Variants in LCTL observed in about 807,000 individuals in gnomAD.
LCTL encodes the protein lactase-like protein.
Under a neutral mutation model 75.8 loss-of-function variants are expected in LCTL, and 76 were observed. The ratio of observed to expected loss-of-function variants is 1.00; its 90% confidence interval spans 0.83 to 1.21. The LOEUF is 1.21. Among genes scored for constraint, LCTL ranks in the 50% most tolerant of loss-of-function variants. The probability of loss-of-function intolerance (pLI) is 0.00; values close to 1 mark genes in which losing one functional copy is unlikely to be tolerated. For synonymous variants in LCTL, 271 were observed against 268.8 expected (o/e 1.01, Z -0.08); for missense variants, 670 against 712.4 (o/e 0.94, Z 0.68).
In LCTL at chr15:66,548,615, C is replaced by A; in HGVS notation, c.1589-10G>T. ...TGACTTAGCAAGGGCTCTGAAATGA[C>A]AAAGAGAACGAGCACCACAAATGAG... On this transcript the variant is annotated splice_polypyrimidine_tract_variant and intron_variant, in intron 12 of 12. Coordinates refer to ENST00000341509, the Ensembl canonical transcript of LCTL. The A allele has an allele frequency of 7.0e-7, 1 of 1,420,498 alleles. No individual in the cohort carries two copies. Among genetic ancestry groups the A allele is most frequent in the South Asian group, 1.2e-5 (1 of 86,734 alleles). The allele number at this position is 1,420,498 out of a possible 1,614,324, so 88.0% of individuals were successfully genotyped here. A position where few individuals can be genotyped will look rare whatever the true frequency, so the allele number is the denominator to read the frequency against.
At chr15:66,557,838 T>A in exon 8 of LCTL, 3 of 1,614,098 alleles carry the variant, frequency 1.9e-6, no homozygotes, top group Non-Finnish European at 2.5e-6. Context: ...GTTACTAATG[T>A]CCACAGGTTC....
In LCTL at chr15:66,549,835, T is replaced by C. The variant is rs1895531645; in HGVS notation, c.1588+206A>G. The C allele has an allele frequency of 9.6e-6, 4 of 417,030 alleles. No homozygotes were observed. The South Asian group carries it at 2.4e-4, about 25-fold the overall frequency. The allele number at this position is 417,030 out of a possible 1,614,324, so 25.8% of individuals were successfully genotyped here. On this transcript the variant is annotated intron_variant, in intron 12 of 12. Transcript: ENST00000341509. The stretch of plus-strand genomic sequence containing the variant: ...ATAAAACTTGAATGGATAAAATGGA[T>C]AAAATGTTTATCTTTCATGGTAGAT...
chr15:66,551,209 T>A (rs1895585157), intron 11 of LCTL, among the ~76,000 whole-genome samples: 1 of 151,494 alleles, frequency 6.6e-6, no homozygotes, highest in South Asian at 2.1e-4. Context: ...TAGCTGGGCG[T>A]GGTGGCATGC....
exon 11 of LCTL, chr15:66,551,683 A>C (rs1483079430): frequency 6.2e-7 from 1 of 1,614,066 alleles, no homozygotes; most frequent in Non-Finnish European, 8.5e-7. Flanking sequence ...TGGGAAACCC[A>C]TTGGCAATGA....
At position 66,552,028 on chromosome 15, in the gene LCTL, T is replaced by A; in HGVS notation, c.1324+15A>T. ...TAAACGGGAAAACTGCAGACAATCT[T>A]GGTTTGTGTCTCACCTTTTAGCATT... is the stretch of plus-strand genomic sequence containing the variant. On this transcript the variant is annotated intron_variant, in intron 10 of 12. Coordinates refer to ENST00000341509, the Ensembl canonical transcript of LCTL. The A allele has an allele frequency of 1.2e-6, 2 of 1,604,892 alleles. No homozygotes were observed. Among genetic ancestry groups the A allele is most frequent in the Non-Finnish European group, 1.7e-6 (2 of 1,176,924 alleles).
intron 8 of LCTL, 105 bp downstream of exon 9, chr15:66,557,617 C>T: frequency 8.7e-7 from 1 of 1,148,040 alleles, no homozygotes; most frequent in Non-Finnish European, 1.3e-6. Context: ...CCTTGAGTAC[C>T]TCACCCAGGC....
At chr15:66,562,413 A>AG (rs1895912638) in intron 4 of LCTL, among the ~76,000 whole-genome samples, 1 of 152,000 alleles carries the variant, frequency 6.6e-6, no homozygotes, top group Non-Finnish European at 1.5e-5. Flanking sequence ...AAAAAAAAAA[A>AG]AAAACAAAAG....
At chr15:66,565,747 G>T (rs886974401), upstream of LCTL, 2 of 195,930 alleles carry the variant, frequency 1.0e-5, no homozygotes, top group African/African-American at 4.7e-5. Context: ...CCAACGACAC[G>T]CAGACCCCTC....
In LCTL at chr15:66,556,323, G is replaced by C. The variant is rs989838379; in HGVS notation, c.922+1399C>G. 4.6e-5 allele frequency among the ~76,000 whole-genome samples: 7 copies of C among 151,442 alleles called. No individual in the cohort carries two copies. In the East Asian group the frequency reaches 5.8e-4, roughly 13 times the overall value. ...CAATGGAAATTTTTTTTTCTTTTTC[G>C]AGATGGAGTCTCACTCTATCACCCA... On this transcript the variant is annotated intron_variant, in intron 8 of 12. Coordinates refer to ENST00000341509, the Ensembl canonical transcript of LCTL.
At chr15:66,552,892 T>A (rs925264550) in intron 9 of LCTL, 92 bp downstream of exon 10, 2 of 1,187,158 alleles carry the variant, frequency 1.7e-6, no homozygotes, top group Non-Finnish European at 2.3e-6. Flanking sequence ...TATTTTGTTT[T>A]ATTAACTTTC....
rs560668268 is a variant in LCTL at position 66,561,944 on chromosome 15, A to G, written c.481-629T>C. ...TCCCCAAGCCACTTCTCCAGCCTCT[A>G]ACCCTTCCCTCTCCTACCTGCTCCC... On this transcript the variant is annotated intron_variant, in intron 4 of 12. Transcript: ENST00000341509. Among the ~76,000 whole-genome samples the G allele has an allele frequency of 6.6e-5, 10 of 152,116 alleles. No homozygotes were observed. The South Asian group carries it at 2.1e-3, about 32-fold the overall frequency.
intron 4 of LCTL, among the ~76,000 whole-genome samples, chr15:66,561,746 G>A (rs1213819305): frequency 6.6e-6 from 1 of 152,114 alleles, no homozygotes; most frequent in Non-Finnish European, 1.5e-5. Context: ...GGGTTTGAGG[G>A]GATGTTAATG....
chr15:66,549,755 G>A lies in LCTL; in HGVS notation c.1588+286C>T, dbSNP rs1895527243. The A allele has an allele frequency of 1.3e-5, 3 of 225,594 alleles. No individual in the cohort carries two copies. The Admixed American group carries it at 1.7e-4, about 13-fold the overall frequency. The allele number at this position is 225,594 out of a possible 1,614,324, so 14.0% of individuals were successfully genotyped here. On this transcript the variant is annotated intron_variant, in intron 12 of 12. Transcript: ENST00000341509. Reference sequence around the variant, plus strand: ...GTTGGCTTTTCCTCTCCTTGCCCAAGCCCACTATAACAAAAATAGTAGGTA... The same window carrying A: ...GTTGGCTTTTCCTCTCCTTGCCCAAACCCACTATAACAAAAATAGTAGGTA...
At chr15:66,549,985 A>G in intron 12 of LCTL, 56 bp downstream of exon 13, 1 of 1,148,442 alleles carries the variant, frequency 8.7e-7, no homozygotes, top group Non-Finnish European at 1.2e-6. Flanking sequence ...TGAAAATGAT[A>G]TGTATAATTA....
chr15:66,560,300 T>C (rs146541166), intron 6 of LCTL, among the ~76,000 whole-genome samples: 112 of 152,258 alleles, frequency 7.4e-4, no homozygotes, highest in Middle Eastern at 3.4e-3. Context: ...GTATCCCTGT[T>C]CTCCAGTTAC....
exon 4 of LCTL, chr15:66,563,579 G>A (rs754113921): frequency 1.2e-6 from 2 of 1,612,526 alleles, no homozygotes; most frequent in African/African-American, 1.3e-5. Context: ...GAAGGGCATC[G>A]ATAAGATCAC....
exon 6 of LCTL, chr15:66,561,006 C>T (rs1895871691): frequency 6.2e-7 from 1 of 1,613,780 alleles, no homozygotes; most frequent in South Asian, 1.1e-5. Context: ...CCCACCTCAC[C>T]TTAATGATGT....
At chr15:66,552,902 C>G in intron 9 of LCTL, 82 bp downstream of exon 10, 2 of 1,250,210 alleles carry the variant, frequency 1.6e-6, no homozygotes, top group Non-Finnish European at 2.1e-6. Flanking sequence ...TATTAACTTT[C>G]TAATGTAGGC....
At chr15:66,563,777 C>A in intron 3 of LCTL, 134 bp downstream of exon 4, 1 of 855,806 alleles carries the variant, frequency 1.2e-6, no homozygotes, top group South Asian at 1.6e-5. Context: ...ACCTGCAGAA[C>A]CTGTGAGAGC....
Sources: gnomAD v4.1 joint callset for allele counts (sites outside exome capture counted in the v4.1 genomes callset) on GRCh38, gnomAD v4.1.1 for gene constraint, MANE v1.5 for transcripts, NCBI Gene and HGNC (gene_info 2026-07-23, HGNC 2026-07-21) for gene names.